Variants in ROBO2 observed in about 807,000 individuals in gnomAD.
ROBO2 encodes the protein roundabout guidance receptor 2, also known as roundabout homolog 2.
ROBO2 carries 53 observed loss-of-function variants against 160.8 expected under a neutral mutation model. The ratio of observed to expected loss-of-function variants is 0.33; its 90% CI spans 0.26 to 0.41. The LOEUF (loss-of-function observed/expected upper bound fraction) is 0.41. Ranked by LOEUF, ROBO2 falls within the 10% of genes least tolerant of loss-of-function variation. The pLI, the probability that ROBO2 is intolerant of heterozygous loss-of-function variation, is 1.00. For synonymous variants in ROBO2, 664 were observed against 611.7 expected, an observed-to-expected ratio of 1.09 and a Z score of -1.26; for missense variants, 1,577 against 1,722.4, an observed-to-expected ratio of 0.92 and a Z score of 1.49.
At chr3:76,076,388 C>G (rs1364056565) in intron 2 of ROBO2, among the ~76,000 whole-genome samples, 1 of 152,036 alleles carries the variant, frequency 6.6e-6, no homozygotes, top group Non-Finnish European at 1.5e-5. Context: ...GATGAAAGGC[C>G]ATATTAACTC....
chr3:76,211,054 C>T (rs1399306538), intron 2 of ROBO2, among the ~76,000 whole-genome samples: 1 of 151,962 alleles, frequency 6.6e-6, no homozygotes, highest in Admixed American at 6.6e-5. Context: ...TCATTTGTCA[C>T]CTGATATCAA....
intron 2 of ROBO2, among the ~76,000 whole-genome samples, chr3:76,143,470 G>T (rs1346281150): frequency 1.3e-5 from 2 of 151,942 alleles, no homozygotes; most frequent in African/African-American, 2.4e-5. Context: ...CAACCACCAA[G>T]TTCCTTGATA....
chr3:76,529,614 GTTA>G (rs1427045156), intron 2 of ROBO2, among the ~76,000 whole-genome samples: 1 of 152,054 alleles, frequency 6.6e-6, no homozygotes, highest in African/African-American at 2.4e-5. Context: ...GATGATGTTT[GTTA>G]TTATTATTTA....
At chr3:76,339,136 A>G (rs1465610494) in intron 2 of ROBO2, among the ~76,000 whole-genome samples, 1 of 152,128 alleles carries the variant, frequency 6.6e-6, no homozygotes, top group Non-Finnish European at 1.5e-5. Context: ...TTATCTAAAT[A>G]TTTCACTTCA....
chr3:76,608,200 C>T (rs981104636), intron 2 of ROBO2, among the ~76,000 whole-genome samples: 3 of 152,142 alleles, frequency 2.0e-5, no homozygotes, highest in Non-Finnish European at 4.4e-5. Context: ...TGTTATGTGC[C>T]CAGCATATAA....
chr3:77,089,542 A>G (rs1649463505), intron 1 of ROBO2, among the ~76,000 whole-genome samples: 1 of 152,188 alleles, frequency 6.6e-6, no homozygotes, highest in South Asian at 2.1e-4. Context: ...TTTCTAAGAA[A>G]TAAGTAGAGT....
chr3:76,674,920 CA>C (rs34240184), intron 2 of ROBO2, among the ~76,000 whole-genome samples: 55,120 of 150,102 alleles, frequency 0.37, 10,717 homozygotes, highest in South Asian at 0.47. Flanking sequence ...GAAAAAGCAG[CA>C]AAAAAAAACC....
At chr3:76,637,767 A>G (rs1382811789) in intron 2 of ROBO2, among the ~76,000 whole-genome samples, 7 of 152,202 alleles carry the variant, frequency 4.6e-5, no homozygotes, top group African/African-American at 9.6e-5. Context: ...AAAGCTTTTT[A>G]TATTATACCA....
chr3:77,090,758 C>T (rs566576627), intron 1 of ROBO2, among the ~76,000 whole-genome samples: 1 of 152,232 alleles, frequency 6.6e-6, no homozygotes, highest in African/African-American at 2.4e-5. Flanking sequence ...CACACTGCCT[C>T]CTTCCTATTG....
At chr3:77,364,702 T>C (rs993843755) in intron 2 of ROBO2, among the ~76,000 whole-genome samples, 2 of 152,206 alleles carry the variant, frequency 1.3e-5, no homozygotes, top group South Asian at 2.1e-4. Flanking sequence ...GTAACTGTTA[T>C]GCTTTTTTTG....
intron 2 of ROBO2, among the ~76,000 whole-genome samples, chr3:76,737,870 G>C (rs1237907390): frequency 6.6e-6 from 1 of 152,056 alleles, no homozygotes; most frequent in Admixed American, 6.6e-5. Context: ...ATGCAGACTG[G>C]GAACGGTGGC....
chr3:76,046,931 T>G (rs2067473053), intron 2 of ROBO2, among the ~76,000 whole-genome samples: 1 of 152,224 alleles, frequency 6.6e-6, no homozygotes, highest in South Asian at 2.1e-4. Flanking sequence ...AGTATCCATT[T>G]GTTCATTGAC....
intron 2 of ROBO2, among the ~76,000 whole-genome samples, chr3:76,751,729 A>G (rs1202304782): frequency 6.6e-6 from 1 of 152,196 alleles, no homozygotes; most frequent in African/African-American, 2.4e-5. Flanking sequence ...ATGCAAATCA[A>G]AACCACAATG....
chr3:76,423,071 G>A (rs2076060285), intron 2 of ROBO2, among the ~76,000 whole-genome samples: 1 of 152,190 alleles, frequency 6.6e-6, no homozygotes, highest in African/African-American at 2.4e-5. Flanking sequence ...AAACAGGAGG[G>A]ACAGTGAAAG....
At chr3:76,786,996 G>A (rs942405500) in intron 2 of ROBO2, among the ~76,000 whole-genome samples, 1 of 151,264 alleles carries the variant, frequency 6.6e-6, no homozygotes, top group Admixed American at 6.6e-5. Flanking sequence ...TGAGAAACAA[G>A]CACATCTTCA....
At chr3:77,084,113 A>G (rs1488210530) in intron 1 of ROBO2, among the ~76,000 whole-genome samples, 1 of 152,076 alleles carries the variant, frequency 6.6e-6, no homozygotes, top group East Asian at 1.9e-4. Flanking sequence ...AGTTTACATA[A>G]AACTCAAATA....
chr3:77,643,542 T>C (rs779334981), intron 24 of ROBO2, among the ~76,000 whole-genome samples: 1 of 152,150 alleles, frequency 6.6e-6, no homozygotes, highest in Non-Finnish European at 1.5e-5. Context: ...AGAAATAAAT[T>C]TCATTGTTTG....
intron 4 of ROBO2, among the ~76,000 whole-genome samples, chr3:77,483,938 G>A (rs928132436): frequency 7.3e-5 from 11 of 151,560 alleles, no homozygotes; most frequent in Admixed American, 5.3e-4. Context: ...AATTCTTCAA[G>A]TATTTTGATT....
At chr3:76,420,062 A>T (rs901246955) in intron 2 of ROBO2, among the ~76,000 whole-genome samples, 1 of 152,166 alleles carries the variant, frequency 6.6e-6, no homozygotes, top group African/African-American at 2.4e-5. Flanking sequence ...ATTGCTTAAG[A>T]TACTGCTTTT....
Sources: allele counts gnomAD v4.1 joint callset (sites outside exome capture counted in the v4.1 genomes callset), GRCh38; gene constraint gnomAD v4.1.1; transcripts MANE v1.5; gene names NCBI Gene and HGNC (gene_info 2026-07-23, HGNC 2026-07-21).